Variants in PDGFRA observed in about 807,000 individuals in gnomAD.
The protein encoded by PDGFRA is platelet-derived growth factor receptor alpha.
Under a neutral mutation model 121.5 loss-of-function variants are expected in PDGFRA, and 25 were observed. That is an observed-to-expected ratio of 0.21 (90% CI 0.15 to 0.29). The LOEUF (loss-of-function observed/expected upper bound fraction) is 0.29. PDGFRA is among the 10% of genes least tolerant of loss of function. The probability of loss-of-function intolerance (pLI) is 1.00; values close to 1 mark genes in which losing one functional copy is unlikely to be tolerated. For synonymous variants in PDGFRA, 463 were observed against 494.8 expected, an observed-to-expected ratio of 0.94 and a Z score of 0.85; for missense variants, 1,008 against 1,345.1, an observed-to-expected ratio of 0.75 and a Z score of 3.92.
chr4:54,252,053 G>A (rs545662856), intron 1 of PDGFRA, among the ~76,000 whole-genome samples: 19 of 152,272 alleles, frequency 1.2e-4, no homozygotes, highest in East Asian at 3.9e-4. Flanking sequence ...TTCTAGTCTC[G>A]TCTGTTGTTT....
rs1560495997 is a variant in PDGFRA, at chr4:54,295,171, T to A, written c.3169T>A (p.Ser1057Thr). 6.2e-7 allele frequency: 1 copy of A among 1,614,050 alleles called. No homozygotes were observed. Among genetic ancestry groups the A allele is most frequent in the East Asian group, 2.2e-5 (1 of 44,854 alleles). Reference sequence around the variant, plus strand: ...TGCCATTGAGACGGGTTCCAGCAGTTCCACCTTCATCAAGAGAGAGGACGA... The same window carrying A: ...TGCCATTGAGACGGGTTCCAGCAGTACCACCTTCATCAAGAGAGAGGACGA... ...ESAIETGSSS[S>T]TFIKREDETI... is the part of the protein sequence containing the mutation. The change falls in exon 23 of 23, where the codon TCC becomes ACC. Residue 1057 changes from serine (S) to threonine (T), a missense_variant. Ser to Thr is a moderately conservative substitution (Grantham distance 58, BLOSUM62 1). Transcript: ENST00000257290.
chr4:54,267,034 T>A (rs968583193), intron 5 of PDGFRA, among the ~76,000 whole-genome samples: 3 of 152,104 alleles, frequency 2.0e-5, no homozygotes, highest in Non-Finnish European at 4.4e-5. Flanking sequence ...AGCAGCTAGC[T>A]TTTATTCTTT....
At chr4:54,239,080 A>C (rs187385300) in intron 1 of PDGFRA, among the ~76,000 whole-genome samples, 67 of 152,366 alleles carry the variant, frequency 4.4e-4, no homozygotes, top group African/African-American at 1.5e-3. Flanking sequence ...ACCTCTGGTC[A>C]TCCCTACTGC....
chr4:54,290,738 C>T (rs149555934), intron 22 of PDGFRA, among the ~76,000 whole-genome samples, 184 bp downstream of exon 22: 1 of 152,192 alleles, frequency 6.6e-6, no homozygotes, highest in African/African-American at 2.4e-5. Flanking sequence ...CTAATATGTT[C>T]CCCCTGGGGC....
intron 19 of PDGFRA, among the ~76,000 whole-genome samples, chr4:54,288,527 A>G (rs1724464305): frequency 6.6e-6 from 1 of 152,022 alleles, no homozygotes; most frequent in Admixed American, 6.5e-5. Context: ...TCCAGTAGTC[A>G]TACACATTGA....
chr4:54,288,764 T>C (rs1724476553), intron 19 of PDGFRA, 35 bp from the exon 20 acceptor site: 1 of 1,161,976 alleles, frequency 8.6e-7, no homozygotes, highest in Admixed American at 1.7e-5. Flanking sequence ...CACTGAGCGT[T>C]TGTTAGTCCT....
intron 1 of PDGFRA, among the ~76,000 whole-genome samples, chr4:54,245,897 AG>A (rs1721627743): frequency 6.6e-6 from 1 of 152,076 alleles, no homozygotes; most frequent in African/African-American, 2.4e-5. Flanking sequence ...AAACAAAAAA[AG>A]GCAGGGGTTG....
chr4:54,274,373 G>A (rs1000015262), intron 10 of PDGFRA, among the ~76,000 whole-genome samples, 158 bp from the exon 11 acceptor site: 1 of 152,024 alleles, frequency 6.6e-6, no homozygotes, highest in African/African-American at 2.4e-5. Flanking sequence ...GATGGTTTGA[G>A]AGATGGTACT....
chr4:54,278,643 CA>C, intron 15 of PDGFRA, 128 bp downstream of exon 15: 1 of 840,048 alleles, frequency 1.2e-6, no homozygotes, highest in Admixed American at 2.0e-5. Context: ...AGAGTCAAAC[CA>C]CCCTGTCCAG....
At chr4:54,284,564 CAGAG>C (rs59292448) in intron 16 of PDGFRA, among the ~76,000 whole-genome samples, 63 of 55,950 alleles carry the variant, frequency 1.1e-3, no homozygotes, top group African/African-American at 1.9e-3. Flanking sequence ...GAGAGAGAGA[CAGAG>C]AGAGAGAGAG....
At chr4:54,244,025 C>T (rs969337879) in intron 1 of PDGFRA, among the ~76,000 whole-genome samples, 2 of 152,248 alleles carry the variant, frequency 1.3e-5, no homozygotes, top group African/African-American at 4.8e-5. Context: ...GGGTGCCCAC[C>T]ATTGCCCAGG....
At chr4:54,251,719 A>C (rs767060056) in intron 1 of PDGFRA, among the ~76,000 whole-genome samples, 2 of 152,212 alleles carry the variant, frequency 1.3e-5, no homozygotes, top group Non-Finnish European at 2.9e-5. Context: ...AGGAGCCCCA[A>C]GTTATCTTGG....
chr4:54,278,505 A>G lies in PDGFRA; in HGVS notation c.2146A>G (p.Ser716Gly), dbSNP rs1553905049. ...DIFGLNPADE[S>G]TRSYVILSFE... ...CTTTGGATTGAACCCTGCTGATGAA[A>G]GCACACGGAGGTGGGTGCAAAGAGA... Residue 716 changes from serine to glycine, a missense_variant, in exon 15 of 23, where the codon AGC becomes GGC. Coordinates refer to ENST00000257290, the MANE Select transcript of PDGFRA (RefSeq NM_006206.6). The G allele has an allele frequency of 1.2e-6, 2 of 1,614,122 alleles. No homozygotes were observed. The highest frequency in any genetic ancestry group is 1.7e-6 in the Non-Finnish European group (2 of 1,179,988).
intron 4 of PDGFRA, 40 bp from the exon 5 acceptor site, chr4:54,264,879 C>T (rs781231300): frequency 3.8e-6 from 6 of 1,579,090 alleles, no homozygotes; most frequent in Middle Eastern, 3.4e-4. Flanking sequence ...CCTGGCTATC[C>T]TGTGGATTTT....
At chr4:54,281,106 A>T (rs973387325) in intron 16 of PDGFRA, among the ~76,000 whole-genome samples, 1 of 152,190 alleles carries the variant, frequency 6.6e-6, no homozygotes, top group Admixed American at 6.5e-5. Context: ...AATATGTGGC[A>T]GGGTTAAATT....
intron 16 of PDGFRA, among the ~76,000 whole-genome samples, chr4:54,283,815 C>A (rs912773637): frequency 6.6e-6 from 1 of 152,144 alleles, no homozygotes; most frequent in Non-Finnish European, 1.5e-5. Flanking sequence ...GTTGTCCAGG[C>A]TAGTTTGAAC....
intron 1 of PDGFRA, among the ~76,000 whole-genome samples, chr4:54,230,887 G>T (rs908264448): frequency 6.6e-6 from 1 of 152,202 alleles, no homozygotes; most frequent in African/African-American, 2.4e-5. Context: ...GGGAGCGGGC[G>T]GCGTCCATTT....
intron 1 of PDGFRA, among the ~76,000 whole-genome samples, chr4:54,247,290 C>G (rs934635717): frequency 6.6e-6 from 1 of 152,168 alleles, no homozygotes; most frequent in Admixed American, 6.5e-5. Flanking sequence ...AGACCAATAT[C>G]CTTGGTGAAC....
intron 16 of PDGFRA, chr4:54,281,843 A>C: frequency 8.1e-7 from 1 of 1,231,782 alleles, no homozygotes; most frequent in Non-Finnish European, 1.0e-6. Context: ...CAAACAAAGA[A>C]ACTCAAAGGA....
Sources: gnomAD v4.1 joint callset for allele counts (sites outside exome capture counted in the v4.1 genomes callset) on GRCh38, gnomAD v4.1.1 for gene constraint, MANE v1.5 for transcripts, NCBI Gene and HGNC (gene_info 2026-07-23, HGNC 2026-07-21) for gene names.